Variants in ANGPT2 observed in about 807,000 individuals in gnomAD.
ANGPT2 encodes the protein angiopoietin-2.
Under a neutral mutation model 62.9 loss-of-function variants are expected in ANGPT2, and 28 were observed. That is an observed-to-expected ratio of 0.44 (90% confidence interval 0.33 to 0.61). The LOEUF (loss-of-function observed/expected upper bound fraction) is 0.61. ANGPT2 is among the 20% of genes least tolerant of loss of function. ANGPT2 has a pLI of 0.03. For missense variants in ANGPT2, 727 were observed against 594.9 expected, an observed-to-expected ratio of 1.22 and a Z score of -2.31; for synonymous variants, 284 against 207.8, an observed-to-expected ratio of 1.37 and a Z score of -3.15.
intron 1 of ANGPT2, among the ~76,000 whole-genome samples, chr8:6,547,362 C>T (rs1307276586): frequency 6.6e-6 from 1 of 152,076 alleles, no homozygotes; most frequent in Non-Finnish European, 1.5e-5. Flanking sequence ...CTCTTTAACC[C>T]TCTTGCCTTG....
At position 6,521,394 on chromosome 8, in the gene ANGPT2, C is replaced by G; in HGVS notation, c.583G>C (p.Val195Leu). The change falls in exon 4 of 9, where the codon GTG (valine) becomes CTG (leucine). Residue 195 changes from valine (V) to leucine (L), a missense_variant. By Grantham distance (32) the Val-to-Leu change is conservative. Coordinates refer to ENST00000629816, the MANE Select transcript of ANGPT2 (RefSeq NM_001118887.2). ...ATGTGCTTGTCTTCCATAGCTAGCA[C>G]CTTCTTTTCTAGGAAACTTGTAAGG... ...QDKNSFLEKK[V>L]LAMEDKHIIQ... is the part of the protein sequence containing the mutation. 1.9e-6 allele frequency: 3 copies of G among 1,609,930 alleles called. No individual in the cohort carries two copies. Among genetic ancestry groups the G allele is most frequent in the Non-Finnish European group, 1.7e-6 (2 of 1,178,698 alleles).
chr8:6,521,842 T>G (rs973296257), intron 3 of ANGPT2, among the ~76,000 whole-genome samples: 5 of 152,208 alleles, frequency 3.3e-5, no homozygotes, highest in Non-Finnish European at 7.3e-5. Context: ...ACTATTTATA[T>G]TTTAATATTA....
chr8:6,509,411 C>A (rs1336991682), intron 7 of ANGPT2, among the ~76,000 whole-genome samples: 7 of 152,202 alleles, frequency 4.6e-5, no homozygotes, highest in East Asian at 1.9e-4. Context: ...CAGTCATCTT[C>A]CATAGAGACG....
intron 5 of ANGPT2, among the ~76,000 whole-genome samples, chr8:6,516,371 C>G (rs1017818731): frequency 2.6e-5 from 4 of 152,070 alleles, no homozygotes; most frequent in Non-Finnish European, 4.4e-5. Flanking sequence ...TAGCAAAGTT[C>G]GATTTTGATC....
chr8:6,506,035 A>G lies in ANGPT2; in HGVS notation c.1328-2774T>C, dbSNP rs140204337. On this transcript the variant is annotated intron_variant, in intron 8 of 8. Coordinates refer to ENST00000629816, the MANE Select transcript of ANGPT2 (RefSeq NM_001118887.2). ...TATGTATATATATAAAAACATATAT[A>G]TATTCTTTATATATATATATGTTGT... Among the ~76,000 whole-genome samples, 482 of 146,544 alleles carry G rather than the reference A, an allele frequency of 3.3e-3. 16 individuals are homozygous for G. The highest frequency in any genetic ancestry group is 3.6e-3 in the Non-Finnish European group (243 of 66,934).
chr8:6,533,245 T>G (rs1819868120), intron 1 of ANGPT2, among the ~76,000 whole-genome samples: 1 of 152,236 alleles, frequency 6.6e-6, no homozygotes, highest in African/African-American at 2.4e-5. Flanking sequence ...AATTTTAGCA[T>G]TAACTGAAAC....
At chr8:6,515,982 A>T (rs1816195504) in intron 5 of ANGPT2, among the ~76,000 whole-genome samples, 1 of 152,164 alleles carries the variant, frequency 6.6e-6, no homozygotes, top group Admixed American at 6.5e-5. Flanking sequence ...TGCCAGTGCA[A>T]CCAGAGAACT....
At chr8:6,510,191 A>G (rs141262069) in intron 7 of ANGPT2, among the ~76,000 whole-genome samples, 3 of 151,180 alleles carry the variant, frequency 2.0e-5, no homozygotes, top group Admixed American at 6.6e-5. Context: ...AACTATGCTC[A>G]AGAGTTTCTG....
chr8:6,556,955 A>C (rs1824720431), intron 1 of ANGPT2, among the ~76,000 whole-genome samples: 2 of 152,184 alleles, frequency 1.3e-5, no homozygotes, highest in Non-Finnish European at 2.9e-5. Context: ...GGACATGTGA[A>C]GGCACTCGAT....
intron 2 of ANGPT2, among the ~76,000 whole-genome samples, chr8:6,531,160 T>G (rs1420377403): frequency 6.6e-6 from 1 of 151,964 alleles, no homozygotes; most frequent in Non-Finnish European, 1.5e-5. Flanking sequence ...TAATAGCAGC[T>G]TTTCCCTTTC....
At position 6,513,784 on chromosome 8, in the gene ANGPT2, T is replaced by A. The variant is rs758845027; in HGVS notation, c.1090A>T (p.Asn364Tyr). Residue 364 changes from asparagine (N) to tyrosine (Y), a missense_variant, in exon 7 of 9, where the codon AAT becomes TAT. Asn to Tyr is a moderately radical substitution (Grantham distance 143). Transcript: ENST00000629816. ...LGNEFVSQLT[N>Y]QQRYVLKIHL... ...ATTTTAAGCACATAGCGTTGCTGAT[T>A]AGTCAGTTGCGAAACAAACTCATTT... The A allele has an allele frequency of 1.9e-6, 3 of 1,614,114 alleles. No homozygotes were observed. In the South Asian group the frequency reaches 3.3e-5, roughly 18 times the overall value.
intron 1 of ANGPT2, among the ~76,000 whole-genome samples, chr8:6,560,108 T>G (rs1825299382): frequency 6.6e-6 from 1 of 152,254 alleles, no homozygotes; most frequent in Admixed American, 6.5e-5. Flanking sequence ...TGGTCTTAGT[T>G]TCCTTCCTGA....
rs76487967 is a variant in ANGPT2 at position 6,526,031 on chromosome 8, T to C, written c.566+1524A>G. 8.6e-4 allele frequency among the ~76,000 whole-genome samples: 131 copies of C among 152,246 alleles called. 1 individual carries two copies. In the East Asian group the frequency reaches 0.024, roughly 28 times the overall value. Reference sequence around the variant, plus strand: ...TATCCTAGGTTTGTCACGGACATCATTGTATAACAGGCAAGAGAAAAGTAA... The same window carrying C: ...TATCCTAGGTTTGTCACGGACATCACTGTATAACAGGCAAGAGAAAAGTAA... On this transcript the variant is annotated intron_variant, in intron 3 of 8. Transcript: ENST00000629816.
At chr8:6,562,090 A>C (rs925365541) in intron 1 of ANGPT2, among the ~76,000 whole-genome samples, 3 of 152,238 alleles carry the variant, frequency 2.0e-5, no homozygotes, top group Non-Finnish European at 2.9e-5. Flanking sequence ...TCTGAGAAAC[A>C]TAAGGTCTGC....
intron 1 of ANGPT2, among the ~76,000 whole-genome samples, chr8:6,541,907 C>G (rs1821647546): frequency 6.6e-6 from 1 of 150,860 alleles, no homozygotes; most frequent in Non-Finnish European, 1.5e-5. Flanking sequence ...ACTCAGGAGG[C>G]TAAGGTGGGA....
At chr8:6,555,791 G>A (rs891551829) in intron 1 of ANGPT2, among the ~76,000 whole-genome samples, 2 of 152,114 alleles carry the variant, frequency 1.3e-5, no homozygotes, top group Admixed American at 6.6e-5. Context: ...TCTTCTGAAC[G>A]ATTAAATAGT....
At position 6,529,075 on chromosome 8, in the gene ANGPT2, G is replaced by A. The variant is rs185554540; in HGVS notation, c.445-1399C>T. 2.2e-4 allele frequency among the ~76,000 whole-genome samples: 33 copies of A among 152,304 alleles called. 1 individual carries two copies. The highest frequency in any genetic ancestry group is 2.1e-3 in the East Asian group (11 of 5,190). On this transcript the variant is annotated intron_variant, in intron 2 of 8. Transcript: ENST00000629816. ...AGGGTTATAACATGAGTAAAATTCC[G>A]TGTGGAGGCAGGGAAGGATGGCATA...
chr8:6,512,837 C>T (rs1184510264), intron 7 of ANGPT2, among the ~76,000 whole-genome samples: 2 of 152,198 alleles, frequency 1.3e-5, no homozygotes, highest in Non-Finnish European at 2.9e-5. Context: ...CCAGGGAATG[C>T]TGTGAATCTG....
At chr8:6,548,335 C>T (rs576635530) in intron 1 of ANGPT2, among the ~76,000 whole-genome samples, 18 of 152,166 alleles carry the variant, frequency 1.2e-4, no homozygotes, top group African/African-American at 4.1e-4. Context: ...TGGTCCCCTG[C>T]CACTTAGATG....
Sources: gnomAD v4.1 joint callset for allele counts (sites outside exome capture counted in the v4.1 genomes callset) on GRCh38, gnomAD v4.1.1 for gene constraint, MANE v1.5 for transcripts, NCBI Gene and HGNC (gene_info 2026-07-23, HGNC 2026-07-21) for gene names.